RPS6KC1: variants seen among roughly 807,000 people sequenced by gnomAD.
RPS6KC1 encodes the protein ribosomal protein S6 kinase C1.
Under a neutral mutation model 103.8 loss-of-function variants are expected in RPS6KC1, and 54 were observed. The ratio of observed to expected loss-of-function variants is 0.52; its 90% CI spans 0.42 to 0.65. The LOEUF is 0.65. RPS6KC1 is among the 30% of genes least tolerant of loss of function. RPS6KC1 has a pLI of 0.00. For synonymous variants in RPS6KC1, 439 were observed against 438.7 expected, an observed-to-expected ratio of 1.00 and a Z score of -0.01; for missense variants, 1,151 against 1,253.8, an observed-to-expected ratio of 0.92 and a Z score of 1.24.
rs1193283221 is a variant in RPS6KC1 at position 213,241,215 on chromosome 1, C to T, written c.1739C>T (p.Ala580Val). 5 of 1,613,800 alleles carry T rather than the reference C, an allele frequency of 3.1e-6. No individual in the cohort carries two copies. Among genetic ancestry groups the T allele is most frequent in the Non-Finnish European group, 4.2e-6 (5 of 1,179,838 alleles). ...TTCTTCCCCAACGATGACCCAGAAG[C>T]AGTTAGTTCTCCAAGAACATCAGAT... ...LKFFPNDDPE[A>V]VSSPRTSDSL... The change falls in exon 11 of 15, where the codon GCA (alanine) becomes GTA (valine). Residue 580 changes from alanine to valine, a missense_variant. Ala to Val is a moderately conservative substitution (Grantham distance 64). This residue lies in a region of RPS6KC1 where 959 missense variants were observed against 1,006.3 expected (regional missense o/e 0.95). Transcript: ENST00000366960.
At chr1:213,212,550 C>T (rs770083924) in intron 8 of RPS6KC1, among the ~76,000 whole-genome samples, 3 of 152,124 alleles carry the variant, frequency 2.0e-5, no homozygotes, top group Non-Finnish European at 2.9e-5. Context: ...CATCCATGTG[C>T]AGGGGTTTTT....
chr1:213,692,230 C>G, the RPS6KC1 span, among the ~76,000 whole-genome samples: 1 of 151,930 alleles, frequency 6.6e-6, no homozygotes, highest in Non-Finnish European at 1.5e-5. Context: ...TGGTGAAACT[C>G]TGTCTCTACT....
chr1:213,806,405 C>T, the RPS6KC1 span, among the ~76,000 whole-genome samples: 5 of 152,184 alleles, frequency 3.3e-5, no homozygotes, highest in African/African-American at 1.2e-4. Flanking sequence ...TGCTCTCATC[C>T]AGGCTTTGCT....
the RPS6KC1 span, among the ~76,000 whole-genome samples, chr1:213,697,331 C>T: frequency 7.9e-5 from 12 of 152,358 alleles, no homozygotes; most frequent in African/African-American, 2.4e-4. Context: ...CATTACTGCA[C>T]TGGTCCCTGC....
the RPS6KC1 span, among the ~76,000 whole-genome samples, chr1:213,329,278 T>G: frequency 6.6e-6 from 1 of 152,106 alleles, no homozygotes; most frequent in East Asian, 1.9e-4. Flanking sequence ...AGGGGACCCA[T>G]GGAGTCACAG....
chr1:213,783,450 A>G, the RPS6KC1 span, among the ~76,000 whole-genome samples: 1 of 152,162 alleles, frequency 6.6e-6, no homozygotes, highest in Non-Finnish European at 1.5e-5. Context: ...GGCCGACAAA[A>G]GGCAGTTGAA....
chr1:213,557,763 T>C, the RPS6KC1 span, among the ~76,000 whole-genome samples: 2 of 152,200 alleles, frequency 1.3e-5, no homozygotes, highest in African/African-American at 2.4e-5. Flanking sequence ...TTAGATGTCA[T>C]TGTTCATGGG....
the RPS6KC1 span, among the ~76,000 whole-genome samples, chr1:213,765,392 C>T: frequency 1.3e-4 from 20 of 152,310 alleles, no homozygotes; most frequent in African/African-American, 4.8e-4. Flanking sequence ...CAGGTTGTGA[C>T]CTCTCCCACC....
the RPS6KC1 span, among the ~76,000 whole-genome samples, chr1:213,592,242 G>A: frequency 6.6e-6 from 1 of 152,140 alleles, no homozygotes; most frequent in Non-Finnish European, 1.5e-5. Context: ...AAGAGAAAAT[G>A]ATGAGTTTTA....
chr1:213,426,262 G>A, the RPS6KC1 span, among the ~76,000 whole-genome samples: 1 of 152,110 alleles, frequency 6.6e-6, no homozygotes. Flanking sequence ...GTTTGGCTGC[G>A]GGAGGGCTTT....
the RPS6KC1 span, among the ~76,000 whole-genome samples, chr1:213,339,566 G>A: frequency 2.6e-5 from 4 of 152,238 alleles, no homozygotes; most frequent in Admixed American, 6.5e-5. Flanking sequence ...GCATGGCAAA[G>A]TAGTTCTAGA....
chr1:213,578,719 T>A, the RPS6KC1 span, among the ~76,000 whole-genome samples: 2 of 152,168 alleles, frequency 1.3e-5, no homozygotes, highest in South Asian at 2.1e-4. Context: ...TGGGTGTATT[T>A]ACCCATTGCC....
chr1:213,716,041 A>G, the RPS6KC1 span, among the ~76,000 whole-genome samples: 69,707 of 151,848 alleles, frequency 0.46, 16,328 homozygotes, highest in South Asian at 0.57. Flanking sequence ...AAAAATATAA[A>G]AATTTATAGT....
the RPS6KC1 span, among the ~76,000 whole-genome samples, chr1:213,565,460 A>G: frequency 6.6e-6 from 1 of 152,238 alleles, no homozygotes; most frequent in African/African-American, 2.4e-5. Flanking sequence ...TACGTGTAAC[A>G]CCATGGATGA....
At chr1:213,695,295 G>A in the RPS6KC1 span, among the ~76,000 whole-genome samples, 1 of 152,226 alleles carries the variant, frequency 6.6e-6, no homozygotes, top group African/African-American at 2.4e-5. Context: ...TGTCTTGGGA[G>A]TAGGAGAAAA....
chr1:213,609,737 T>C, the RPS6KC1 span, among the ~76,000 whole-genome samples: 1 of 149,554 alleles, frequency 6.7e-6, no homozygotes, highest in South Asian at 2.1e-4. Flanking sequence ...AAGCCATCTA[T>C]AGGTTGGTGC....
At chr1:213,329,927 C>T in the RPS6KC1 span, among the ~76,000 whole-genome samples, 1 of 152,136 alleles carries the variant, frequency 6.6e-6, no homozygotes, top group Non-Finnish European at 1.5e-5. Context: ...CAAGTGAAAC[C>T]TTGGCACCCT....
At chr1:213,124,900 G>T (rs183760284) in intron 5 of RPS6KC1, among the ~76,000 whole-genome samples, 119 of 152,228 alleles carry the variant, frequency 7.8e-4, no homozygotes, top group Non-Finnish European at 1.4e-3. Context: ...CAAGGAAGAG[G>T]TGTCAGGGGT....
the RPS6KC1 span, among the ~76,000 whole-genome samples, chr1:213,454,153 G>GC: frequency 2.0e-5 from 3 of 151,480 alleles, no homozygotes; most frequent in African/African-American, 4.9e-5. Flanking sequence ...CACATGGGGG[G>GC]GGTCAGCATT....
Sources: allele counts gnomAD v4.1 joint callset (sites outside exome capture counted in the v4.1 genomes callset), GRCh38; gene constraint gnomAD v4.1.1; regional missense constraint gnomAD v4.1.1; transcripts MANE v1.5; gene names NCBI Gene and HGNC (gene_info 2026-07-23, HGNC 2026-07-21).